Variants in LINGO2 observed in about 807,000 individuals in gnomAD.
LINGO2 encodes leucine-rich repeat and immunoglobulin-like domain-containing nogo receptor-interacting protein 2.
A neutral mutation model predicts 30.6 loss-of-function variants in LINGO2; 14 were observed. That is an observed-to-expected ratio of 0.46 (90% CI 0.30 to 0.72). The LOEUF is 0.72. Among genes scored for constraint, LINGO2 ranks in the 30% least tolerant of loss-of-function variants. LINGO2 has a pLI of 0.07. For missense variants in LINGO2, 729 were observed against 751.7 expected, an observed-to-expected ratio of 0.97 and a Z score of 0.35; for synonymous variants, 317 against 288.5, an observed-to-expected ratio of 1.10 and a Z score of -1.00.
At chr9:28,817,657 C>A in the LINGO2 span, among the ~76,000 whole-genome samples, 1 of 152,110 alleles carries the variant, frequency 6.6e-6, no homozygotes, top group Non-Finnish European at 1.5e-5. Flanking sequence ...GTTAGGAGCC[C>A]ATTATAGAAT....
chr9:28,168,901 C>T (rs541092389), intron 4 of LINGO2, among the ~76,000 whole-genome samples: 63 of 152,336 alleles, frequency 4.1e-4, no homozygotes, highest in Non-Finnish European at 7.5e-4. Flanking sequence ...AGCATTCCTT[C>T]ATACATCTTT....
intron 1 of LINGO2, among the ~76,000 whole-genome samples, chr9:28,630,314 T>C (rs576893185): frequency 6.6e-6 from 1 of 152,260 alleles, no homozygotes; most frequent in South Asian, 2.1e-4. Flanking sequence ...GCATACGTTG[T>C]ATGTTGTAAC....
In LINGO2 at chr9:28,048,681, C is replaced by T. The variant is rs577893692; in HGVS notation, c.-86-36276G>A. ...AATATATGCACAGAACACTTATCTA[C>T]GATGCCAAAAGGCTGAAAATAGCAT... On this transcript the variant is annotated intron_variant, in intron 4 of 5. Coordinates refer to ENST00000379992, the Ensembl canonical transcript of LINGO2. Among the ~76,000 whole-genome samples the T allele has an allele frequency of 1.3e-4, 19 of 150,304 alleles. 1 individual carries two copies. The highest frequency in any genetic ancestry group is 1.2e-3 in the East Asian group (6 of 5,058).
chr9:28,599,547 A>G (rs1381327491), intron 1 of LINGO2, among the ~76,000 whole-genome samples: 2 of 152,072 alleles, frequency 1.3e-5, no homozygotes, highest in Non-Finnish European at 2.9e-5. Context: ...TTTTTTTAAT[A>G]TTTAAAATAA....
intron 1 of LINGO2, among the ~76,000 whole-genome samples, chr9:28,613,585 C>T (rs1826009762): frequency 6.6e-6 from 1 of 151,814 alleles, no homozygotes; most frequent in Non-Finnish European, 1.5e-5. Context: ...TCACCTCTGC[C>T]GTACTAGAAT....
the LINGO2 span, among the ~76,000 whole-genome samples, chr9:29,161,640 T>C: frequency 6.6e-6 from 1 of 152,188 alleles, no homozygotes; most frequent in South Asian, 2.1e-4. Context: ...TAGAGCCTGA[T>C]AATTTGCATT....
At chr9:28,050,796 T>C (rs2133057166) in intron 4 of LINGO2, among the ~76,000 whole-genome samples, 1 of 151,048 alleles carries the variant, frequency 6.6e-6, no homozygotes, top group East Asian at 2.0e-4. Flanking sequence ...TTCATACATG[T>C]TGATATAATG....
intron 4 of LINGO2, among the ~76,000 whole-genome samples, chr9:28,023,758 G>T (rs529448048): frequency 6.6e-6 from 1 of 152,270 alleles, no homozygotes; most frequent in South Asian, 2.1e-4. Flanking sequence ...AAGCCAAGAA[G>T]AGATCTTTCC....
chr9:29,190,224 C>T, the LINGO2 span, among the ~76,000 whole-genome samples: 1 of 151,930 alleles, frequency 6.6e-6, no homozygotes, highest in African/African-American at 2.4e-5. Flanking sequence ...TTAGCACAAG[C>T]AACAGATTAA....
the LINGO2 span, among the ~76,000 whole-genome samples, chr9:28,778,881 G>A: frequency 6.6e-6 from 1 of 152,038 alleles, no homozygotes; most frequent in African/African-American, 2.4e-5. Flanking sequence ...GCAAATACAT[G>A]GAAGCATTAG....
At chr9:28,921,744 C>G in the LINGO2 span, among the ~76,000 whole-genome samples, 159 of 152,312 alleles carry the variant, frequency 1.0e-3, no homozygotes, top group Non-Finnish European at 1.8e-3. Context: ...GTTATTCCAT[C>G]TTGTTCAGTG....
chr9:28,416,106 G>T (rs975157156), intron 2 of LINGO2, among the ~76,000 whole-genome samples: 5 of 151,986 alleles, frequency 3.3e-5, no homozygotes, highest in Non-Finnish European at 1.5e-5. Flanking sequence ...AAAATCTTAG[G>T]CAAAATTGCT....
intron 4 of LINGO2, among the ~76,000 whole-genome samples, chr9:28,218,605 C>G (rs894843762): frequency 6.6e-6 from 1 of 152,138 alleles, no homozygotes; most frequent in Non-Finnish European, 1.5e-5. Context: ...GATTTCTGCT[C>G]TGGACTTTGA....
the LINGO2 span, among the ~76,000 whole-genome samples, chr9:28,994,026 G>A: frequency 6.6e-6 from 1 of 151,458 alleles, no homozygotes; most frequent in South Asian, 2.1e-4. Flanking sequence ...AGGGCAATTA[G>A]GCAGGAGAAG....
the LINGO2 span, among the ~76,000 whole-genome samples, chr9:28,768,496 A>G: frequency 6.6e-6 from 1 of 151,918 alleles, no homozygotes; most frequent in Non-Finnish European, 1.5e-5. Flanking sequence ...TATTCCCCCC[A>G]AAAGCTCTGA....
At chr9:28,119,252 GC>G (rs1387201577) in intron 4 of LINGO2, among the ~76,000 whole-genome samples, 1 of 152,112 alleles carries the variant, frequency 6.6e-6, no homozygotes, top group Non-Finnish European at 1.5e-5. Flanking sequence ...AGAAACCTCA[GC>G]CTCCTGAGTA....
chr9:29,187,139 T>C, the LINGO2 span, among the ~76,000 whole-genome samples: 10 of 152,282 alleles, frequency 6.6e-5, no homozygotes, highest in South Asian at 2.1e-4. Flanking sequence ...GTACTCTCCC[T>C]GCTGTATCAC....
At chr9:28,745,678 C>G in the LINGO2 span, among the ~76,000 whole-genome samples, 98 of 152,086 alleles carry the variant, frequency 6.4e-4, 1 homozygote, top group African/African-American at 2.2e-3. Context: ...ATTAACTATT[C>G]TAATCACTGA....
At chr9:29,069,170 T>C in the LINGO2 span, among the ~76,000 whole-genome samples, 1 of 151,910 alleles carries the variant, frequency 6.6e-6, no homozygotes, top group Admixed American at 6.6e-5. Flanking sequence ...GAACACATGA[T>C]ACTTACATCC....
Sources: gnomAD v4.1 joint callset for allele counts (sites outside exome capture counted in the v4.1 genomes callset) on GRCh38, gnomAD v4.1.1 for gene constraint, MANE v1.5 for transcripts, NCBI Gene and HGNC (gene_info 2026-07-23, HGNC 2026-07-21) for gene names.